Variants in UMAD1 observed in about 807,000 individuals in gnomAD.
UMAD1 encodes the protein UBAP1-MVB12-associated (UMA)-domain containing protein 1.
In UMAD1, 8 loss-of-function variants were observed where a neutral mutation model predicts 6.1. The observed-to-expected ratio is 1.30, with a 90% CI of 0.76 to 2.35. The LOEUF is 2.35. Among genes scored for constraint, UMAD1 ranks in the 30% most tolerant of loss-of-function variants. The pLI is 0.00. For missense variants in UMAD1, 130 were observed against 78.4 expected, an observed-to-expected ratio of 1.66 and a Z score of -2.49; for synonymous variants, 56 against 31.4, an observed-to-expected ratio of 1.78 and a Z score of -2.61.
At chr7:7,847,851 A>AT (rs1783839600) in intron 3 of UMAD1, among the ~76,000 whole-genome samples, 2 of 152,120 alleles carry the variant, frequency 1.3e-5, no homozygotes, top group Admixed American at 1.3e-4. Context: ...CAGGATGCAC[A>AT]TTTTTTAACT....
At chr7:7,824,695 T>C (rs1333695502) in intron 3 of UMAD1, among the ~76,000 whole-genome samples, 1 of 152,178 alleles carries the variant, frequency 6.6e-6, no homozygotes, top group Non-Finnish European at 1.5e-5. Context: ...CATCATCATT[T>C]TGAATCTCTA....
intron 2 of UMAD1, among the ~76,000 whole-genome samples, chr7:7,678,826 A>C (rs1373082795): frequency 6.8e-5 from 2 of 29,326 alleles, no homozygotes; most frequent in African/African-American, 3.7e-4. Flanking sequence ...TTAGTTTATA[A>C]ACATATATTT....
chr7:7,757,770 A>T (rs1781806035), intron 2 of UMAD1, among the ~76,000 whole-genome samples: 1 of 152,198 alleles, frequency 6.6e-6, no homozygotes, highest in African/African-American at 2.4e-5. Context: ...GATTAAGTAG[A>T]GAATGCAGAG....
intron 3 of UMAD1, among the ~76,000 whole-genome samples, chr7:7,838,200 A>G (rs921168241): frequency 6.6e-6 from 1 of 152,188 alleles, no homozygotes; most frequent in Non-Finnish European, 1.5e-5. Context: ...CAGGGCGCAT[A>G]TAGTCTGTTT....
intron 3 of UMAD1, among the ~76,000 whole-genome samples, chr7:7,847,839 C>T (rs1442047273): frequency 6.6e-6 from 1 of 152,124 alleles, no homozygotes; most frequent in Non-Finnish European, 1.5e-5. Flanking sequence ...GCATGAGGCA[C>T]CCAGGATGCA....
At chr7:7,663,726 A>G (rs7800702) in intron 1 of UMAD1, among the ~76,000 whole-genome samples, 127,997 of 152,130 alleles carry the variant, frequency 0.84, 53,978 homozygotes, top group Non-Finnish European at 0.88. Context: ...TAAGGAATGT[A>G]AAATTTATAA....
intron 3 of UMAD1, among the ~76,000 whole-genome samples, chr7:7,839,838 T>C (rs1229032717): frequency 6.6e-6 from 1 of 152,102 alleles, no homozygotes; most frequent in African/African-American, 2.4e-5. Context: ...CATCTAGAGA[T>C]TTATGACCAT....
chr7:7,764,413 TAGTA>T (rs767032424), intron 2 of UMAD1, among the ~76,000 whole-genome samples: 3 of 152,232 alleles, frequency 2.0e-5, no homozygotes, highest in Non-Finnish European at 4.4e-5. Flanking sequence ...TTCGGTTAAG[TAGTA>T]AGGCAATATG....
At chr7:7,736,777 GA>G (rs1781368404) in intron 2 of UMAD1, 1 of 152,222 alleles carries the variant, frequency 6.6e-6, no homozygotes, top group African/African-American at 2.4e-5. Context: ...GTTGAGATGG[GA>G]GTCACTGTAT....
At chr7:7,699,034 T>TTC (rs1563133850) in intron 2 of UMAD1, among the ~76,000 whole-genome samples, 5 of 127,130 alleles carry the variant, frequency 3.9e-5, no homozygotes, top group African/African-American at 1.5e-4. Context: ...TTTATATAGT[T>TTC]TGTGTGTGTG....
chr7:7,827,863 T>C (rs1783377618), intron 3 of UMAD1, among the ~76,000 whole-genome samples: 1 of 152,192 alleles, frequency 6.6e-6, no homozygotes, highest in African/African-American at 2.4e-5. Context: ...AATTCACATG[T>C]ACATGAAGTT....
chr7:7,847,604 C>T (rs1044203347), intron 3 of UMAD1, among the ~76,000 whole-genome samples: 1 of 152,054 alleles, frequency 6.6e-6, no homozygotes, highest in African/African-American at 2.4e-5. Flanking sequence ...ATGTTACTCC[C>T]CCTTATAACA....
At chr7:7,763,101 A>G (rs1374857903) in intron 2 of UMAD1, among the ~76,000 whole-genome samples, 12 of 152,218 alleles carry the variant, frequency 7.9e-5, no homozygotes, top group Non-Finnish European at 1.8e-4. Context: ...CATAGGATAC[A>G]AGTTATAAAC....
intron 3 of UMAD1, chr7:7,868,582 GA>G (rs34541315): frequency 0.052 from 7,572 of 145,590 alleles, 639 homozygotes; most frequent in African/African-American, 0.18. Context: ...AAAAAATACT[GA>G]AAAAAAAAAA....
chr7:7,809,306 T>G (rs1346837468), intron 3 of UMAD1, among the ~76,000 whole-genome samples: 2 of 152,042 alleles, frequency 1.3e-5, no homozygotes, highest in Non-Finnish European at 2.9e-5. Flanking sequence ...TGAGTTCTTT[T>G]GAGCTAGGTA....
chr7:7,819,461 T>A (rs1222759216), intron 3 of UMAD1, among the ~76,000 whole-genome samples: 1 of 152,100 alleles, frequency 6.6e-6, no homozygotes, highest in East Asian at 1.9e-4. Context: ...TCTTTAGGTA[T>A]GCTATGCTAT....
intron 2 of UMAD1, among the ~76,000 whole-genome samples, chr7:7,784,909 C>G (rs1042527966): frequency 2.6e-5 from 4 of 151,594 alleles, no homozygotes; most frequent in African/African-American, 9.7e-5. Context: ...ACTACAGGCG[C>G]CCGCCACCTC....
chr7:7,671,583 T>C, intron 1 of UMAD1, among the ~76,000 whole-genome samples: 1 of 152,240 alleles, frequency 6.6e-6, no homozygotes, highest in Admixed American at 6.5e-5. Flanking sequence ...AGTCGTTTAA[T>C]TTGAAATCTA....
chr7:7,837,152 G>A (rs1783587253), intron 3 of UMAD1, among the ~76,000 whole-genome samples: 1 of 152,046 alleles, frequency 6.6e-6, no homozygotes, highest in Non-Finnish European at 1.5e-5. Flanking sequence ...TCCAAAGGCA[G>A]TCAAATAATA....
Sources: gnomAD v4.1 joint callset for allele counts (sites outside exome capture counted in the v4.1 genomes callset) on GRCh38, gnomAD v4.1.1 for gene constraint, MANE v1.5 for transcripts, NCBI Gene and HGNC (gene_info 2026-07-23, HGNC 2026-07-21) for gene names.